The following TLR6 variants were observed in gnomAD, a reference collection of about 807,000 sequenced individuals.
The protein encoded by TLR6 is toll-like receptor 6.
Under a neutral mutation model 16.1 loss-of-function variants are expected in TLR6, and 9 were observed. The ratio of observed to expected loss-of-function variants is 0.56; its 90% CI spans 0.34 to 0.98. The LOEUF is 0.98. Among genes scored for constraint, TLR6 ranks in the 50% least tolerant of loss-of-function variants. The pLI, the probability that TLR6 is intolerant of heterozygous loss-of-function variation, is 0.02. For missense variants in TLR6, 786 were observed against 921.0 expected, an observed-to-expected ratio of 0.85 and a Z score of 1.90; for synonymous variants, 340 against 338.6, an observed-to-expected ratio of 1.00 and a Z score of -0.04.
At chr4:38,829,299 T>C in exon 2 of TLR6, 2 of 1,614,208 alleles carry the variant, frequency 1.2e-6, no homozygotes, top group Non-Finnish European at 8.5e-7. Context: ...TTCTGAGACA[T>C]ATCTAAGACT....
At chr4:38,841,528 A>G (rs1027833432) in intron 1 of TLR6, among the ~76,000 whole-genome samples, 1 of 152,226 alleles carries the variant, frequency 6.6e-6, no homozygotes, top group Non-Finnish European at 1.5e-5. Flanking sequence ...AGACAGAGGT[A>G]GTTGCAGTGA....
Position 38,829,442 on chromosome 4 carries a change from C to CT in TLR6, c.31dup (p.Ser11LysfsTer23), listed in dbSNP as rs1727725650. On this transcript the variant is annotated frameshift_variant, in exon 2 of 2. Coordinates refer to ENST00000436693, the Ensembl canonical transcript of TLR6. LOFTEE classifies it low-confidence loss of function (END_TRUNC). ...GATCATAAGGCAAACAAAATGGAAG[C>CT]TTTTAACAATAGGTTCTTTGTCTTT... The CT allele has an allele frequency of 6.2e-7, 1 of 1,613,120 alleles. No individual in the cohort carries two copies. The highest frequency in any genetic ancestry group is 1.7e-5 in the Admixed American group (1 of 59,906).
intron 1 of TLR6, among the ~76,000 whole-genome samples, chr4:38,854,868 C>T (rs1712911035): frequency 6.6e-6 from 1 of 151,998 alleles, no homozygotes; most frequent in Non-Finnish European, 1.5e-5. Flanking sequence ...AAATAATAGC[C>T]TCAAATACTG....
chr4:38,845,661 G>A (rs1181183597), intron 1 of TLR6, among the ~76,000 whole-genome samples: 1 of 152,232 alleles, frequency 6.6e-6, no homozygotes, highest in East Asian at 1.9e-4. Context: ...CAGAAAGAAT[G>A]CAGCCTTGCC....
intron 1 of TLR6, among the ~76,000 whole-genome samples, chr4:38,836,025 A>G (rs1359231824): frequency 1.3e-5 from 2 of 152,186 alleles, no homozygotes; most frequent in Non-Finnish European, 2.9e-5. Context: ...AAAAGTAGAA[A>G]GATTTGAAAT....
upstream of TLR6, among the ~76,000 whole-genome samples, chr4:38,860,993 A>G (rs1713180575): frequency 6.6e-6 from 1 of 151,590 alleles, no homozygotes; most frequent in Non-Finnish European, 1.5e-5. Flanking sequence ...AAATCAGGGG[A>G]CTGAGACCTA....
the TLR6 span, among the ~76,000 whole-genome samples, chr4:38,864,696 T>A: frequency 1.5e-4 from 23 of 152,312 alleles, no homozygotes; most frequent in African/African-American, 5.5e-4. Context: ...GGTGAGGACA[T>A]ATGCAGCAAA....
chr4:38,856,842 C>G (rs960591486), upstream of TLR6: 1 of 150,638 alleles, frequency 6.6e-6, no homozygotes, highest in Admixed American at 6.6e-5. Context: ...AACACAAGTT[C>G]TTAAAGTTGA....
chr4:38,838,252 C>T (rs1712038445), intron 1 of TLR6, among the ~76,000 whole-genome samples: 1 of 152,192 alleles, frequency 6.6e-6, no homozygotes, highest in African/African-American at 2.4e-5. Flanking sequence ...GGATGTTTAT[C>T]TAAAAGAACA....
At chr4:38,854,779 G>A (rs1330015464) in intron 1 of TLR6, among the ~76,000 whole-genome samples, 2 of 152,008 alleles carry the variant, frequency 1.3e-5, no homozygotes, top group African/African-American at 4.8e-5. Context: ...ATGACTATAA[G>A]GATACTCATG....
At chr4:38,836,033 A>T (rs1711898016) in intron 1 of TLR6, among the ~76,000 whole-genome samples, 2 of 152,194 alleles carry the variant, frequency 1.3e-5, no homozygotes, top group Admixed American at 6.5e-5. Flanking sequence ...AAAGATTTGA[A>T]ATAAACAACC....
At chr4:38,868,283 A>T in the TLR6 span, 2 of 156,484 alleles carry the variant, frequency 1.3e-5, no homozygotes, top group East Asian at 1.9e-4. Context: ...GCACGAAGGG[A>T]GCAGGTCCCT....
At chr4:38,859,770 C>T (rs933235146), upstream of TLR6, among the ~76,000 whole-genome samples, 4 of 151,446 alleles carry the variant, frequency 2.6e-5, no homozygotes, top group African/African-American at 4.9e-5. Context: ...TTTGCCATGT[C>T]GCTCAGGCTG....
chr4:38,866,612 T>C, the TLR6 span, among the ~76,000 whole-genome samples: 4 of 152,194 alleles, frequency 2.6e-5, no homozygotes, highest in East Asian at 7.7e-4. Flanking sequence ...TATTGCAATA[T>C]ATAAGACAAG....
At chr4:38,861,082 T>C (rs1248019412), upstream of TLR6, among the ~76,000 whole-genome samples, 1 of 151,886 alleles carries the variant, frequency 6.6e-6, no homozygotes, top group Non-Finnish European at 1.5e-5. Context: ...GCCTGGGAGG[T>C]GGTGCAGGTG....
At chr4:38,844,283 GTA>G (rs1712419090) in intron 1 of TLR6, among the ~76,000 whole-genome samples, 1 of 152,170 alleles carries the variant, frequency 6.6e-6, no homozygotes, top group Admixed American at 6.5e-5. Context: ...TATATACAAA[GTA>G]TATATCGGTC....
chr4:38,840,517 C>A (rs1277681741), intron 1 of TLR6, among the ~76,000 whole-genome samples: 1 of 151,794 alleles, frequency 6.6e-6, no homozygotes, highest in Non-Finnish European at 1.5e-5. Context: ...TCCTGTAATC[C>A]CAGCTACTTG....
At chr4:38,832,978 C>G (rs1347220011) in intron 1 of TLR6, among the ~76,000 whole-genome samples, 1 of 152,186 alleles carries the variant, frequency 6.6e-6, no homozygotes, top group Non-Finnish European at 1.5e-5. Flanking sequence ...GACAGGTCCA[C>G]CATGCCCTTT....
chr4:38,850,524 G>A (rs145273408), intron 1 of TLR6, among the ~76,000 whole-genome samples: 22,925 of 152,040 alleles, frequency 0.15, 2,217 homozygotes, highest in Middle Eastern at 0.38. Context: ...TCAAATCAAC[G>A]CAATAAAAAA....
Sources: gnomAD v4.1 joint callset for allele counts (sites outside exome capture counted in the v4.1 genomes callset) on GRCh38, gnomAD v4.1.1 for gene constraint, MANE v1.5 for transcripts, NCBI Gene and HGNC (gene_info 2026-07-23, HGNC 2026-07-21) for gene names.